CEP250: variants seen among roughly 807,000 people sequenced by gnomAD.
The protein encoded by CEP250 is centrosome-associated protein CEP250.
Under a neutral mutation model 315.7 loss-of-function variants are expected in CEP250, and 242 were observed. The observed-to-expected ratio is 0.77, with a 90% CI of 0.69 to 0.85. The LOEUF (loss-of-function observed/expected upper bound fraction) is 0.85, where lower values mean the gene tolerates loss of function less well. CEP250 is among the 40% of genes least tolerant of loss of function. The pLI is 0.00. For missense variants in CEP250, 2,515 were observed against 2,886.4 expected (o/e 0.87, Z 2.95); for synonymous variants, 1,088 against 1,175.0 (o/e 0.93, Z 1.51).
At chr20:35,499,942 A>G in intron 27 of CEP250, 107 bp from the exon 28 acceptor site, 1 of 1,438,850 alleles carries the variant, frequency 6.9e-7, no homozygotes, top group Non-Finnish European at 9.6e-7. Flanking sequence ...GAGTAGGTCC[A>G]CAATGGCGGC....
Position 35,508,015 on chromosome 20 carries a change from T to G in CEP250, c.6751-20T>G, listed in dbSNP as rs1367131487. On this transcript the variant is annotated intron_variant, in intron 31 of 34. Coordinates refer to ENST00000397527, the MANE Select transcript of CEP250 (RefSeq NM_007186.6). ...TGTCTTAGGGGCTGCCCAGGTGAGA[T>G]TCACAGGTCTTTCCCACAGGTCTCA... 2 of 1,614,030 alleles carry G rather than the reference T, an allele frequency of 1.2e-6. No homozygotes were observed. Among genetic ancestry groups the G allele is most frequent in the East Asian group, 2.2e-5 (1 of 44,882 alleles).
Position 35,511,866 on chromosome 20 carries a change from C to T in CEP250, c.*240C>T, listed in dbSNP as rs2064372146. The stretch of plus-strand genomic sequence containing the variant: ...TGGAATCACCCAGAGGGGTGCCTTG[C>T]CCTGGCTGAGGGACATGTACTGCCT... On this transcript the variant is annotated 3_prime_UTR_variant, in exon 35 of 35. Coordinates refer to ENST00000397527, the MANE Select transcript of CEP250 (RefSeq NM_007186.6). 13 of 1,337,892 alleles carry T rather than the reference C, an allele frequency of 9.7e-6. 1 individual carries two copies. The highest frequency in any genetic ancestry group is 1.1e-5 in the Non-Finnish European group (12 of 1,047,606). The allele number at this position is 1,337,892 out of a possible 1,614,324, so 82.9% of individuals were successfully genotyped here. A position where few individuals can be genotyped will look rare whatever the true frequency, so the allele number is the denominator to read the frequency against.
At chr20:35,461,452 G>A (rs547786708) in intron 3 of CEP250, among the ~76,000 whole-genome samples, 3 of 152,200 alleles carry the variant, frequency 2.0e-5, no homozygotes, top group Non-Finnish European at 2.9e-5. Flanking sequence ...TCACCGTTAG[G>A]CTGGCCGCCT....
At chr20:35,474,080 G>A (rs1364289465) in intron 14 of CEP250, 28 bp downstream of exon 14, 17 of 1,486,054 alleles carry the variant, frequency 1.1e-5, no homozygotes, top group Non-Finnish European at 1.5e-5. Flanking sequence ...CCTCCTCGCT[G>A]GGCCCTGGTC....
chr20:35,509,756 G>C (rs1423788730), intron 33 of CEP250, among the ~76,000 whole-genome samples: 1 of 152,240 alleles, frequency 6.6e-6, no homozygotes, highest in East Asian at 1.9e-4. Flanking sequence ...AGAAGCAAAT[G>C]CCATCCAGGC....
At chr20:35,492,552 C>T (rs1031435192) in intron 22 of CEP250, among the ~76,000 whole-genome samples, 1 of 152,076 alleles carries the variant, frequency 6.6e-6, no homozygotes, top group Non-Finnish European at 1.5e-5. Context: ...AAACACCTGT[C>T]GCAAGGGCCC....
In CEP250 at chr20:35,462,556, G is replaced by A; in HGVS notation, c.186+3G>A. 6.3e-7 allele frequency: 1 copy of A among 1,593,854 alleles called. No individual in the cohort carries two copies. The highest frequency in any genetic ancestry group is 2.3e-5 in the East Asian group (1 of 43,960). On this transcript the variant is annotated splice_donor_region_variant and intron_variant, in intron 4 of 34. Transcript: ENST00000397527. ...TTGTGAGGAAGCTGCAGGCCAAGGT[G>A]AGGCAGCTGCCCTTTTGGGGAGGGG...
chr20:35,497,889 A>G lies in CEP250; in HGVS notation c.3477A>G (p.Thr1159=), dbSNP rs2063888194. 1.9e-6 allele frequency: 3 copies of G among 1,606,100 alleles called. No individual in the cohort carries two copies. The highest frequency in any genetic ancestry group is 4.5e-5 in the East Asian group (2 of 44,614). The change falls in exon 26 of 35, where the codon ACA becomes ACG. Residue 1159 remains threonine (T), a synonymous_variant. Coordinates refer to ENST00000397527, the MANE Select transcript of CEP250 (RefSeq NM_007186.6). ...AACTACAGCTGCGACTGCGCAGCACAGAGAGCCAGCTAGAAGCGCTGGCCG... is the reference window on the plus strand; with the variant it reads ...AACTACAGCTGCGACTGCGCAGCACGGAGAGCCAGCTAGAAGCGCTGGCCG... ...AAQLQLRLRS[T]ESQLEALAAE...
intron 14 of CEP250, among the ~76,000 whole-genome samples, 170 bp downstream of exon 14, chr20:35,474,222 G>A (rs750261126): frequency 2.6e-5 from 4 of 152,204 alleles, no homozygotes; most frequent in Non-Finnish European, 4.4e-5. Flanking sequence ...TGGAAAGTTC[G>A]TGGTTGGTTA....
intron 9 of CEP250, among the ~76,000 whole-genome samples, chr20:35,468,650 T>C (rs2062950451): frequency 6.6e-6 from 1 of 152,190 alleles, no homozygotes; most frequent in Admixed American, 6.5e-5. Flanking sequence ...GTACTTCACC[T>C]GCCGTATACT....
chr20:35,509,819 G>T (rs549035247), intron 33 of CEP250, among the ~76,000 whole-genome samples, 179 bp from the exon 34 acceptor site: 54 of 152,362 alleles, frequency 3.5e-4, no homozygotes, highest in African/African-American at 1.3e-3. Flanking sequence ...ATGCTGGTGT[G>T]GGGCCTCTCC....
chr20:35,483,235 G>A (rs1032568734), intron 20 of CEP250, among the ~76,000 whole-genome samples: 5 of 151,584 alleles, frequency 3.3e-5, no homozygotes, highest in South Asian at 4.2e-4. Context: ...CAGGAGAATC[G>A]CTTGAACCTG....
At chr20:35,498,821 G>A (rs2063922029) in intron 27 of CEP250, 105 bp downstream of exon 27, 1 of 1,350,480 alleles carries the variant, frequency 7.4e-7, no homozygotes, top group Non-Finnish European at 9.9e-7. Context: ...AGATCAAGTT[G>A]GGATGAGTTT....
At chr20:35,455,305 C>T (rs1043606386), upstream of CEP250, 14 of 152,238 alleles carry the variant, frequency 9.2e-5, 1 homozygote, top group Non-Finnish European at 2.9e-5. Flanking sequence ...GAGACCCGCC[C>T]GTCTAGGGCG....
chr20:35,504,145 G>T lies in CEP250; in HGVS notation c.5776G>T (p.Asp1926Tyr). ...EHEVETRALQ[D>Y]SWLQAQAVLK... The stretch of plus-strand genomic sequence containing the variant: ...TGAGGTGGAGACCAGGGCCCTGCAG[G>T]ACAGCTGGCTGCAGGCCCAGGCAGT... Residue 1926 changes from aspartate (D) to tyrosine (Y), a missense_variant, in exon 30 of 35, where the codon GAC (aspartate) becomes TAC (tyrosine). Transcript: ENST00000397527. The T allele has an allele frequency of 6.2e-7, 1 of 1,614,046 alleles. No homozygotes were observed. The highest frequency in any genetic ancestry group is 1.7e-5 in the Admixed American group (1 of 60,036).
At chr20:35,501,781 C>G in intron 28 of CEP250, 64 bp from the exon 29 acceptor site, 1 of 1,513,510 alleles carries the variant, frequency 6.6e-7, no homozygotes, top group Non-Finnish European at 8.9e-7. Context: ...CCTCTATATC[C>G]CTCTATATCC....
chr20:35,494,723 C>T (rs895751329), intron 24 of CEP250, 66 bp downstream of exon 24: 9 of 1,582,294 alleles, frequency 5.7e-6, no homozygotes, highest in Non-Finnish European at 7.8e-6. Context: ...GTGATATTGA[C>T]AGTTGTTTGC....
At chr20:35,491,467 G>C in intron 22 of CEP250, 121 bp downstream of exon 22, 1 of 1,076,798 alleles carries the variant, frequency 9.3e-7, no homozygotes. Context: ...CATATGACAA[G>C]TACATAAAGG....
chr20:35,506,699 AG>A (rs2064194189), intron 30 of CEP250, among the ~76,000 whole-genome samples: 1 of 152,184 alleles, frequency 6.6e-6, no homozygotes, highest in African/African-American at 2.4e-5. Flanking sequence ...CAAAGTTCAC[AG>A]GGTTTGAAAT....
Sources: gnomAD v4.1 joint callset for allele counts (sites outside exome capture counted in the v4.1 genomes callset) on GRCh38, gnomAD v4.1.1 for gene constraint, MANE v1.5 for transcripts, NCBI Gene and HGNC (gene_info 2026-07-23, HGNC 2026-07-21) for gene names.